Variants in GBE1 observed in about 807,000 individuals in gnomAD.
GBE1 encodes 1,4-alpha-glucan branching enzyme 1.
Under a neutral mutation model 88.8 loss-of-function variants are expected in GBE1, and 70 were observed. The ratio of observed to expected loss-of-function variants is 0.79; its 90% CI spans 0.65 to 0.96. The LOEUF is 0.96. GBE1 is among the 40% of genes least tolerant of loss of function. GBE1 has a pLI of 0.00. For missense variants in GBE1, 872 were observed against 871.0 expected (o/e 1.00, Z -0.01); for synonymous variants, 284 against 300.1 (o/e 0.95, Z 0.56).
At chr3:81,532,055 C>T (rs1364670328) in intron 14 of GBE1, among the ~76,000 whole-genome samples, 1 of 151,904 alleles carries the variant, frequency 6.6e-6, no homozygotes, top group Non-Finnish European at 1.5e-5. Flanking sequence ...CCTAAGCAAA[C>T]AGATTCTCTT....
intron 7 of GBE1, among the ~76,000 whole-genome samples, chr3:81,627,213 T>C (rs1704429986): frequency 6.6e-6 from 1 of 152,186 alleles, no homozygotes; most frequent in South Asian, 2.1e-4. Context: ...GGTTCTGAGG[T>C]ACTTGCTTAA....
At chr3:81,569,290 C>G (rs1410126643) in intron 12 of GBE1, among the ~76,000 whole-genome samples, 1 of 152,016 alleles carries the variant, frequency 6.6e-6, no homozygotes, top group Non-Finnish European at 1.5e-5. Flanking sequence ...ACTTTGGTTT[C>G]AATGCTAAGA....
At chr3:81,669,988 C>A (rs911292484) in intron 3 of GBE1, among the ~76,000 whole-genome samples, 2 of 151,804 alleles carry the variant, frequency 1.3e-5, no homozygotes, top group Non-Finnish European at 2.9e-5. Context: ...ATAACAAATA[C>A]CAATAAAAAC....
chr3:81,637,502 C>A (rs996100192), intron 7 of GBE1, among the ~76,000 whole-genome samples: 1 of 152,090 alleles, frequency 6.6e-6, no homozygotes, highest in East Asian at 1.9e-4. Context: ...TTGAAAAATG[C>A]AGCATAGTAT....
chr3:81,723,261 GT>G (rs1189151311), intron 1 of GBE1, among the ~76,000 whole-genome samples: 907 of 73,542 alleles, frequency 0.012, 3 homozygotes, highest in African/African-American at 0.028. Flanking sequence ...AAGTTGTTTT[GT>G]TTTTTTTTTT....
At chr3:81,526,098 T>A (rs915963719) in intron 14 of GBE1, among the ~76,000 whole-genome samples, 13 of 152,200 alleles carry the variant, frequency 8.5e-5, no homozygotes, top group African/African-American at 3.1e-4. Context: ...TGCTCTTGCT[T>A]CTCTAGTTCT....
intron 1 of GBE1, among the ~76,000 whole-genome samples, chr3:81,726,976 G>A (rs1575767901): frequency 1.3e-5 from 2 of 152,104 alleles, no homozygotes; most frequent in Admixed American, 6.6e-5. Context: ...ATGGGTCTAC[G>A]TCATGGTGAC....
intron 2 of GBE1, among the ~76,000 whole-genome samples, chr3:81,697,169 A>C (rs564654607): frequency 6.6e-6 from 1 of 152,312 alleles, no homozygotes; most frequent in African/African-American, 2.4e-5. Flanking sequence ...GGGTTCAATT[A>C]GTTTGCTGGA....
At chr3:81,577,836 A>G in intron 12 of GBE1, 89 bp downstream of exon 12, 3 of 1,085,052 alleles carry the variant, frequency 2.8e-6, no homozygotes, top group Non-Finnish European at 3.9e-6. Context: ...CTAAATCTGA[A>G]AAGCCAAATC....
At chr3:81,670,423 C>T (rs988869990) in intron 3 of GBE1, among the ~76,000 whole-genome samples, 2 of 152,124 alleles carry the variant, frequency 1.3e-5, no homozygotes, top group African/African-American at 4.8e-5. Flanking sequence ...AATGCATGCG[C>T]GTCCAACACA....
chr3:81,754,330 G>A (rs1706573663), intron 1 of GBE1, among the ~76,000 whole-genome samples: 1 of 151,964 alleles, frequency 6.6e-6, no homozygotes, highest in Non-Finnish European at 1.5e-5. Flanking sequence ...AAATGGGAAG[G>A]TATTCCATGT....
chr3:81,655,731 G>A (rs1704929786), intron 3 of GBE1, among the ~76,000 whole-genome samples: 1 of 152,012 alleles, frequency 6.6e-6, no homozygotes, highest in African/African-American at 2.4e-5. Context: ...TGTCGGCCAG[G>A]CTGCTCTCGA....
Position 81,642,965 on chromosome 3 carries a change from G to A in GBE1, c.808C>T (p.Gln270Ter), listed in dbSNP as rs559653237. Residue 270 changes from glutamine (Q) to a stop codon, truncating the protein, a stop_gained, in exon 7 of 16, where the codon CAA becomes TAA. Coordinates refer to ENST00000429644, the MANE Select transcript of GBE1 (RefSeq NM_000158.4). LOFTEE classifies it high-confidence loss of function. ...SSRYGTPEEL[Q>*]ELVDTAHSMG... is the part of the protein sequence containing the mutation. ...GAATGAGCTGTGTCTACCAGTTCTTGTAGCTCTTCAGGTGTTCCATAACGG... is the reference window on the plus strand; with the variant it reads ...GAATGAGCTGTGTCTACCAGTTCTTATAGCTCTTCAGGTGTTCCATAACGG... 4 of 1,611,212 alleles carry A rather than the reference G, an allele frequency of 2.5e-6. No individual in the cohort carries two copies. The highest frequency in any genetic ancestry group is 1.3e-5 in the African/African-American group (1 of 74,826).
At chr3:81,734,251 A>C (rs1402221434) in intron 1 of GBE1, among the ~76,000 whole-genome samples, 1 of 152,166 alleles carries the variant, frequency 6.6e-6, no homozygotes, top group African/African-American at 2.4e-5. Context: ...AACTTCAATT[A>C]AAAAAATCTC....
chr3:81,666,535 A>G (rs1413164111), intron 3 of GBE1, among the ~76,000 whole-genome samples: 3 of 152,238 alleles, frequency 2.0e-5, no homozygotes, highest in Admixed American at 2.0e-4. Flanking sequence ...ACATGTGCAT[A>G]TATGTATGAA....
At chr3:81,613,203 C>T in intron 7 of GBE1, 1 of 219,062 alleles carries the variant, frequency 4.6e-6, no homozygotes, top group South Asian at 6.6e-5. Context: ...GGTCTCTTTT[C>T]TCTACACCAT....
At chr3:81,618,076 T>G (rs940409656) in intron 7 of GBE1, among the ~76,000 whole-genome samples, 4 of 151,992 alleles carry the variant, frequency 2.6e-5, no homozygotes, top group African/African-American at 9.7e-5. Context: ...AGAAGGAAAC[T>G]TTATTGTATT....
Position 81,737,329 on chromosome 3 carries a change from ATTTT to A in GBE1, c.143+24042_143+24045del, listed in dbSNP as rs1272036247. On this transcript the variant is annotated intron_variant, in intron 1 of 15. Transcript: ENST00000429644. ...TATATATTTATATATATTTATATATATTTTTATATATATTTATATAAATATATAT... is the reference window on the plus strand; with the variant it reads ...TATATATTTATATATATTTATATATATATATATATTTATATAAATATATAT... Among the ~76,000 whole-genome samples the A allele has an allele frequency of 7.0e-5, 5 of 71,382 alleles. No individual in the cohort carries two copies. In the East Asian group the frequency reaches 2.2e-3, roughly 31 times the overall value. 46.8% of individuals were successfully genotyped at this position (71,382 alleles called of 152,430 possible).
intron 12 of GBE1, 121 bp downstream of exon 12, chr3:81,577,800 GAAAT>G (rs1703668594): frequency 8.4e-6 from 6 of 710,978 alleles, no homozygotes; most frequent in Non-Finnish European, 1.3e-5. Context: ...GACAGTATAT[GAAAT>G]AAATAGTTGT....
Sources: gnomAD v4.1 joint callset for allele counts (sites outside exome capture counted in the v4.1 genomes callset) on GRCh38, gnomAD v4.1.1 for gene constraint, MANE v1.5 for transcripts, NCBI Gene and HGNC (gene_info 2026-07-23, HGNC 2026-07-21) for gene names.